The following CCDC33 variants were observed in gnomAD, a reference collection of about 807,000 sequenced individuals.
The protein encoded by CCDC33 is coiled-coil domain containing 33.
CCDC33 carries 94 observed loss-of-function variants against 91.9 expected under a neutral mutation model. The observed-to-expected ratio is 1.02, with a 90% CI of 0.87 to 1.21. The LOEUF is 1.21. Ranked by LOEUF, CCDC33 falls within the 50% of genes most tolerant of loss-of-function variation. CCDC33 has a pLI of 0.00. For missense variants in CCDC33, 940 were observed against 935.5 expected (o/e 1.00, Z -0.06); for synonymous variants, 396 against 374.5 (o/e 1.06, Z -0.66).
intron 11 of CCDC33, among the ~76,000 whole-genome samples, chr15:74,314,130 C>A (rs1481029155): frequency 6.6e-6 from 1 of 152,236 alleles, no homozygotes; most frequent in Non-Finnish European, 1.5e-5. Flanking sequence ...TCTGACATAC[C>A]CTCCAATACA....
chr15:74,327,433 G>A (rs1457533541), intron 11 of CCDC33, among the ~76,000 whole-genome samples: 1 of 152,134 alleles, frequency 6.6e-6, no homozygotes, highest in Non-Finnish European at 1.5e-5. Flanking sequence ...TCAGGAGTTC[G>A]AGACTAGCCT....
chr15:74,259,489 C>A (rs557443819), intron 2 of CCDC33, among the ~76,000 whole-genome samples: 2 of 152,228 alleles, frequency 1.3e-5, no homozygotes, highest in East Asian at 3.9e-4. Context: ...AGCCATTACC[C>A]CGAGAGCCTC....
chr15:74,290,872 TA>T (rs1173663853), intron 10 of CCDC33, among the ~76,000 whole-genome samples: 1 of 152,120 alleles, frequency 6.6e-6, no homozygotes, highest in Non-Finnish European at 1.5e-5. Context: ...TGCATGAGAA[TA>T]GGGGAAACCC....
At chr15:74,328,153 C>T (rs1185900836) in intron 11 of CCDC33, among the ~76,000 whole-genome samples, 1 of 152,186 alleles carries the variant, frequency 6.6e-6, no homozygotes, top group Non-Finnish European at 1.5e-5. Context: ...ATATCGTGTG[C>T]TTCCTTTGGT....
chr15:74,333,320 CAGGT>C (rs1362891680), intron 16 of CCDC33: 1 of 1,580,182 alleles, frequency 6.3e-7, no homozygotes, highest in Non-Finnish European at 8.6e-7. Context: ...CCTGCCCGCA[CAGGT>C]GGGTGGCCCA....
rs188869030 is a variant in CCDC33, at chr15:74,291,965, G to A, written c.1096-3789G>A. 2.1e-3 allele frequency among the ~76,000 whole-genome samples: 325 copies of A among 152,362 alleles called. 4 individuals are homozygous for A. Among genetic ancestry groups the A allele is most frequent in the Admixed American group, 0.021 (314 of 15,306 alleles). ...GCAACAACACAGGGAGCAGTGAGCT[G>A]AATGCTGGGTCTGAGCTAGTGCGTG... is the stretch of plus-strand genomic sequence containing the variant. On this transcript the variant is annotated intron_variant, in intron 10 of 18. Transcript: ENST00000398814.
chr15:74,284,656 TA>T (rs1002890941), intron 10 of CCDC33, among the ~76,000 whole-genome samples: 70 of 151,986 alleles, frequency 4.6e-4, no homozygotes, highest in Non-Finnish European at 8.8e-4. Flanking sequence ...GAACAGACAA[TA>T]AAAAAATAAT....
At chr15:74,318,569 A>T (rs2060140694) in intron 11 of CCDC33, 1 of 712,800 alleles carries the variant, frequency 1.4e-6, no homozygotes. Flanking sequence ...ATCCTGGGGA[A>T]CAGGACTGCT....
intron 11 of CCDC33, among the ~76,000 whole-genome samples, chr15:74,317,434 C>T (rs1340836030): frequency 1.3e-5 from 2 of 152,136 alleles, no homozygotes; most frequent in Admixed American, 6.5e-5. Context: ...GAAAAGGAAG[C>T]GCCCTCCACA....
upstream of CCDC33, among the ~76,000 whole-genome samples, chr15:74,215,757 C>T (rs911073130): frequency 1.3e-5 from 2 of 151,630 alleles, no homozygotes; most frequent in Non-Finnish European, 2.9e-5. Context: ...GTAATCCCGG[C>T]TACTGAAGAA....
At chr15:74,237,975 A>G (rs986039377) in intron 1 of CCDC33, among the ~76,000 whole-genome samples, 1 of 151,858 alleles carries the variant, frequency 6.6e-6, no homozygotes, top group African/African-American at 2.4e-5. Context: ...TAAAAATACA[A>G]AAATTAGCTG....
upstream of CCDC33, among the ~76,000 whole-genome samples, chr15:74,236,040 G>A (rs973138457): frequency 6.6e-6 from 1 of 152,176 alleles, no homozygotes; most frequent in African/African-American, 2.4e-5. Context: ...CTGTTTTACC[G>A]ATCAAGCTGC....
intron 1 of CCDC33, among the ~76,000 whole-genome samples, chr15:74,242,369 C>T (rs1195685278): frequency 6.6e-6 from 1 of 152,230 alleles, no homozygotes; most frequent in African/African-American, 2.4e-5. Context: ...CCACCAAAAC[C>T]AGAGCCCGTC....
chr15:74,330,477 A>G, intron 12 of CCDC33, 123 bp downstream of exon 12: 1 of 1,217,700 alleles, frequency 8.2e-7, no homozygotes, highest in Non-Finnish European at 1.1e-6. Context: ...GGCAAATAGG[A>G]GCCCCTCGCC....
At chr15:74,214,426 C>T (rs1394823440), upstream of CCDC33, among the ~76,000 whole-genome samples, 1 of 152,150 alleles carries the variant, frequency 6.6e-6, no homozygotes. Flanking sequence ...CCCTGCCCCC[C>T]AGAGACAGTC....
chr15:74,289,072 G>T (rs1422782174), intron 10 of CCDC33, among the ~76,000 whole-genome samples: 1 of 152,156 alleles, frequency 6.6e-6, no homozygotes, highest in Non-Finnish European at 1.5e-5. Context: ...TCCTGGGGGA[G>T]GGGAGTTGGT....
chr15:74,261,135 C>T (rs1461599655), intron 2 of CCDC33, among the ~76,000 whole-genome samples: 2 of 152,190 alleles, frequency 1.3e-5, no homozygotes, highest in South Asian at 2.1e-4. Context: ...GTCATACTGC[C>T]TCAGTCAAAG....
At chr15:74,286,777 G>T (rs2059483468) in intron 10 of CCDC33, among the ~76,000 whole-genome samples, 1 of 152,170 alleles carries the variant, frequency 6.6e-6, no homozygotes, top group Non-Finnish European at 1.5e-5. Context: ...GACATGCTGG[G>T]ATGACGTGAA....
intron 11 of CCDC33, among the ~76,000 whole-genome samples, chr15:74,322,803 G>A (rs1319533132): frequency 6.6e-6 from 1 of 152,222 alleles, no homozygotes; most frequent in East Asian, 1.9e-4. Flanking sequence ...AGATGGCCTG[G>A]GCCTGCCAGC....
Sources: gnomAD v4.1 joint callset for allele counts (sites outside exome capture counted in the v4.1 genomes callset) on GRCh38, gnomAD v4.1.1 for gene constraint, MANE v1.5 for transcripts, NCBI Gene and HGNC (gene_info 2026-07-23, HGNC 2026-07-21) for gene names.